Variants in RHBDD1 observed in about 807,000 individuals in gnomAD.
The protein encoded by RHBDD1 is rhomboid domain containing 1.
A neutral mutation model predicts 36.3 loss-of-function variants in RHBDD1; 38 were observed. The observed-to-expected ratio is 1.05, with a 90% CI of 0.81 to 1.37. The LOEUF (loss-of-function observed/expected upper bound fraction) is 1.37. Ranked by LOEUF, RHBDD1 falls within the 40% of genes most tolerant of loss-of-function variation. RHBDD1 has a pLI of 0.00. For synonymous variants in RHBDD1, 151 were observed against 136.5 expected, an observed-to-expected ratio of 1.11 and a Z score of -0.74; for missense variants, 393 against 377.6, an observed-to-expected ratio of 1.04 and a Z score of -0.34.
chr2:226,813,839 C>T, the RHBDD1 span, among the ~76,000 whole-genome samples: 1 of 152,148 alleles, frequency 6.6e-6, no homozygotes, highest in South Asian at 2.1e-4. Flanking sequence ...CCCATTAATA[C>T]CTGACTCCTT....
At chr2:226,988,593 C>T (rs1429157199) in intron 8 of RHBDD1, 1 of 1,364,110 alleles carries the variant, frequency 7.3e-7, no homozygotes, top group Non-Finnish European at 9.4e-7. Context: ...TCAGAAGAGG[C>T]CGGGGGCTCC....
intron 3 of RHBDD1, among the ~76,000 whole-genome samples, chr2:226,863,858 A>C (rs1245153288): frequency 1.3e-5 from 2 of 152,174 alleles, no homozygotes; most frequent in Non-Finnish European, 2.9e-5. Flanking sequence ...TCTCATTGTC[A>C]ACCCCAAATC....
At chr2:226,911,783 G>A (rs1948536771) in intron 7 of RHBDD1, among the ~76,000 whole-genome samples, 1 of 151,918 alleles carries the variant, frequency 6.6e-6, no homozygotes, top group Non-Finnish European at 1.5e-5. Flanking sequence ...AAATGTACTT[G>A]TCTCCTTCTC....
chr2:226,964,685 C>T (rs1184746990), intron 8 of RHBDD1, among the ~76,000 whole-genome samples: 7 of 152,190 alleles, frequency 4.6e-5, no homozygotes, highest in African/African-American at 1.7e-4. Context: ...TTCTTTTATA[C>T]CTTTGCAACT....
chr2:226,976,089 G>A (rs1333329169), intron 8 of RHBDD1, among the ~76,000 whole-genome samples: 17 of 151,484 alleles, frequency 1.1e-4, no homozygotes, highest in Admixed American at 1.1e-3. Context: ...TTGGAGCAGA[G>A]GTACAAAGCC....
At chr2:226,849,272 A>G (rs1166910217) in intron 3 of RHBDD1, among the ~76,000 whole-genome samples, 1 of 152,222 alleles carries the variant, frequency 6.6e-6, no homozygotes. Flanking sequence ...CTTAAACTCC[A>G]AGGTATAAGG....
At chr2:226,976,741 G>A (rs1559332976) in intron 8 of RHBDD1, among the ~76,000 whole-genome samples, 1 of 152,178 alleles carries the variant, frequency 6.6e-6, no homozygotes, top group Non-Finnish European at 1.5e-5. Flanking sequence ...AGTGCTGCAG[G>A]CACAAGGTAC....
At chr2:226,801,334 T>C in the RHBDD1 span, among the ~76,000 whole-genome samples, 2 of 150,966 alleles carry the variant, frequency 1.3e-5, no homozygotes, top group South Asian at 4.2e-4. Flanking sequence ...AAGGTGGGGG[T>C]AGAAGGGTTG....
the RHBDD1 span, among the ~76,000 whole-genome samples, chr2:226,829,115 T>C: frequency 2.5e-3 from 386 of 152,324 alleles, 2 homozygotes; most frequent in Non-Finnish European, 4.9e-3. Flanking sequence ...CATCCAACTC[T>C]GCCAGCATTC....
At chr2:226,963,182 G>A (rs528946498) in intron 8 of RHBDD1, among the ~76,000 whole-genome samples, 74 of 228 alleles carry the variant, frequency 0.32, no homozygotes, top group Non-Finnish European at 0.36. Flanking sequence ...AGTAACTTAA[G>A]ATAAAAAAAA....
intron 5 of RHBDD1, among the ~76,000 whole-genome samples, chr2:226,883,176 T>C (rs930310730): frequency 6.6e-6 from 1 of 152,268 alleles, no homozygotes; most frequent in Non-Finnish European, 1.5e-5. Context: ...AACATCTGCG[T>C]GTATTAACAT....
chr2:226,906,210 A>G (rs565692790), intron 5 of RHBDD1, among the ~76,000 whole-genome samples: 44 of 152,348 alleles, frequency 2.9e-4, no homozygotes, highest in Non-Finnish European at 4.7e-4. Context: ...TCATCTTTCA[A>G]GTTTGAAATT....
chr2:226,961,332 G>A (rs1260518113), intron 8 of RHBDD1, among the ~76,000 whole-genome samples: 1 of 151,948 alleles, frequency 6.6e-6, no homozygotes, highest in African/African-American at 2.4e-5. Context: ...GAAAGCACTG[G>A]GTCTGTTTCC....
intron 5 of RHBDD1, among the ~76,000 whole-genome samples, chr2:226,878,402 G>A (rs13421578): frequency 0.014 from 2,078 of 152,298 alleles, 39 homozygotes; most frequent in African/African-American, 0.048. Flanking sequence ...ATTAAGAGGT[G>A]GAGTCCAGTT....
At chr2:226,936,765 A>G (rs1950357203) in intron 8 of RHBDD1, among the ~76,000 whole-genome samples, 2 of 152,090 alleles carry the variant, frequency 1.3e-5, no homozygotes, top group South Asian at 4.1e-4. Flanking sequence ...ATGTGTCAGC[A>G]TTTTAGGCGG....
intron 8 of RHBDD1, among the ~76,000 whole-genome samples, chr2:226,959,643 TTATC>T (rs371648053): frequency 9.3e-4 from 142 of 152,354 alleles, no homozygotes; most frequent in African/African-American, 3.3e-3. Flanking sequence ...CATAATCTGT[TTATC>T]CATTCACCTG....
chr2:226,948,483 G>C lies in RHBDD1; in HGVS notation c.856+34132G>C, dbSNP rs192984679. On this transcript the variant is annotated intron_variant, in intron 8 of 8. Transcript: ENST00000392062. Reference sequence around the variant, plus strand: ...CCTCATGCTAGATGACGAGTTAGTGGGTGCAGCGCACCAGCATGGCACATG... The same window carrying C: ...CCTCATGCTAGATGACGAGTTAGTGCGTGCAGCGCACCAGCATGGCACATG... 7.1e-3 allele frequency among the ~76,000 whole-genome samples: 1,044 copies of C among 146,568 alleles called. 17 individuals are homozygous for C. The highest frequency in any genetic ancestry group is 0.025 in the African/African-American group (971 of 39,240).
chr2:226,810,522 A>C, the RHBDD1 span, among the ~76,000 whole-genome samples: 1 of 143,224 alleles, frequency 7.0e-6, no homozygotes, highest in Non-Finnish European at 1.5e-5. Flanking sequence ...GCCTGAGCAA[A>C]AGAGCAAGAC....
At chr2:226,807,205 G>T in the RHBDD1 span, among the ~76,000 whole-genome samples, 2 of 152,138 alleles carry the variant, frequency 1.3e-5, no homozygotes, top group Non-Finnish European at 2.9e-5. Context: ...TTGAGCTAAT[G>T]TTGTTTGCTA....
Sources: allele counts gnomAD v4.1 joint callset (sites outside exome capture counted in the v4.1 genomes callset), GRCh38; gene constraint gnomAD v4.1.1; transcripts MANE v1.5; gene names NCBI Gene and HGNC (gene_info 2026-07-23, HGNC 2026-07-21).